Variants in HEBP2 observed in about 807,000 individuals in gnomAD.
HEBP2 encodes the protein heme-binding protein 2.
HEBP2 carries 27 observed loss-of-function variants against 23.1 expected under a neutral mutation model. The ratio of observed to expected loss-of-function variants is 1.17; its 90% CI spans 0.86 to 1.61. The LOEUF is 1.61. HEBP2 is among the 40% of genes most tolerant of loss of function. The pLI, the probability that HEBP2 is intolerant of heterozygous loss-of-function variation, is 0.00. For missense variants in HEBP2, 245 were observed against 253.8 expected (o/e 0.97, Z 0.24); for synonymous variants, 99 against 95.1 (o/e 1.04, Z -0.24).
intron 3 of HEBP2, among the ~76,000 whole-genome samples, chr6:138,409,018 C>T (rs1774698169): frequency 1.3e-5 from 2 of 151,966 alleles, no homozygotes; most frequent in Non-Finnish European, 2.9e-5. Flanking sequence ...GCCAGATAGG[C>T]TCCTCTTTTT....
chr6:138,410,338 C>T (rs763808292), intron 3 of HEBP2, among the ~76,000 whole-genome samples: 5 of 152,078 alleles, frequency 3.3e-5, no homozygotes, highest in Non-Finnish European at 5.9e-5. Flanking sequence ...AGAACAAAAG[C>T]TTATTTCTAA....
At chr6:138,411,187 G>T (rs1774740269) in intron 3 of HEBP2, among the ~76,000 whole-genome samples, 1 of 152,224 alleles carries the variant, frequency 6.6e-6, no homozygotes, top group African/African-American at 2.4e-5. Flanking sequence ...GGTCAGTGCT[G>T]TCATGATTTA....
Position 138,413,346 on chromosome 6 carries a change from C to T in HEBP2, c.*268C>T. 2.9e-6 allele frequency: 1 copy of T among 342,998 alleles called. No homozygotes were observed. Among genetic ancestry groups the T allele is most frequent in the East Asian group, 5.5e-5 (1 of 18,114 alleles). 21.2% of individuals were successfully genotyped at this position (342,998 alleles called of 1,614,324 possible). ...TCTAGGGAAATTTCATGTCACTTCC[C>T]TCCTTCACTGCATCACAATCATATT... On this transcript the variant is annotated 3_prime_UTR_variant, in exon 4 of 4. Transcript: ENST00000607197.
rs1289936940 is a variant in HEBP2, at chr6:138,415,989, AC to A, written c.*2913del. ...ACTGGTCCCTCCCCTTCTCCTGGCT[AC>A]CAGGCCTATAACGAGACTTAAGTCA... On this transcript the variant is annotated 3_prime_UTR_variant, in exon 4 of 4. Coordinates refer to ENST00000607197, the MANE Select transcript of HEBP2 (RefSeq NM_014320.3). The A allele has an allele frequency of 6.6e-6, 1 of 152,228 alleles. No individual in the cohort carries two copies. The highest frequency in any genetic ancestry group is 2.4e-5 in the African/African-American group (1 of 41,424). 9.4% of individuals were successfully genotyped at this position (152,228 alleles called of 1,614,324 possible). A position where few individuals can be genotyped will look rare whatever the true frequency, so the allele number is the denominator to read the frequency against.
In HEBP2 at chr6:138,420,146, G is replaced by A. The variant is rs549913160; in HGVS notation, c.*7068G>A. The A allele has an allele frequency of 2.0e-5, 3 of 152,314 alleles. No homozygotes were observed. Among genetic ancestry groups the A allele is most frequent in the African/African-American group, 4.8e-5 (2 of 41,560 alleles). The allele number at this position is 152,314 out of a possible 1,614,324, so 9.4% of individuals were successfully genotyped here. On this transcript the variant is annotated 3_prime_UTR_variant, in exon 4 of 4. Transcript: ENST00000607197. Reference sequence around the variant, plus strand: ...GGTCTGAGAAGGGTTTGGCTCCCAGGAGCTCAGGACCCTCAGGAATGAGAG... The same window carrying A: ...GGTCTGAGAAGGGTTTGGCTCCCAGAAGCTCAGGACCCTCAGGAATGAGAG...
At position 138,412,982 on chromosome 6, in the gene HEBP2, C is replaced by T. The variant is rs754122547; in HGVS notation, c.522C>T (p.Tyr174=). The T allele has an allele frequency of 1.9e-6, 3 of 1,613,974 alleles. No homozygotes were observed. The East Asian group carries it at 6.7e-5, about 36-fold the overall frequency. The change falls in exon 4 of 4, where the codon TAC becomes TAT. Residue 174 remains tyrosine (Y), a synonymous_variant. Coordinates refer to ENST00000607197, the MANE Select transcript of HEBP2 (RefSeq NM_014320.3). ...EDGKVFDEKV[Y]YTAGYNSPVK... ...GAAAAGTTTTCGATGAGAAGGTTTA[C>T]TACACTGCAGGCTACAACAGTCCTG...
At chr6:138,403,576 T>TG (rs1289924089), upstream of HEBP2, 9 of 463,338 alleles carry the variant, frequency 1.9e-5, no homozygotes, top group Middle Eastern at 3.6e-4. Flanking sequence ...GGGAGTCCTC[T>TG]GGGGGGCGCC....
rs1774860796 is a variant in HEBP2, at chr6:138,417,628, T to G, written c.*4550T>G. The G allele has an allele frequency of 6.6e-6, 1 of 152,570 alleles. No homozygotes were observed. The highest frequency in any genetic ancestry group is 1.5e-5 in the Non-Finnish European group (1 of 68,196). The allele number at this position is 152,570 out of a possible 1,614,324, so 9.5% of individuals were successfully genotyped here. On this transcript the variant is annotated 3_prime_UTR_variant, in exon 4 of 4. Coordinates refer to ENST00000607197, the MANE Select transcript of HEBP2 (RefSeq NM_014320.3). ...GAGGGAAGCCAGAGACCAGTGGTCC[T>G]GCTGTGTTGAGGAGATGGAGATCAG...
rs1774869657 is a variant in HEBP2, at chr6:138,418,290, T to C, written c.*5212T>C. 6.6e-6 allele frequency: 1 copy of C among 152,186 alleles called. No homozygotes were observed. The highest frequency in any genetic ancestry group is 2.4e-5 in the African/African-American group (1 of 41,440). 9.4% of individuals were successfully genotyped at this position (152,186 alleles called of 1,614,324 possible). On this transcript the variant is annotated 3_prime_UTR_variant, in exon 4 of 4. Coordinates refer to ENST00000607197, the MANE Select transcript of HEBP2 (RefSeq NM_014320.3). ...GTATTGGAGGTAGGGGGAAAGAAGA[T>C]GCAGTGTGGAATAGATGACAAGGCC...
intron 3 of HEBP2, among the ~76,000 whole-genome samples, chr6:138,409,925 C>G (rs1418247266): frequency 6.6e-6 from 1 of 152,234 alleles, no homozygotes; most frequent in Non-Finnish European, 1.5e-5. Context: ...ATAATACTTA[C>G]TATCTCATAG....
At chr6:138,412,342 T>C (rs1244815157) in intron 3 of HEBP2, 1 of 234,444 alleles carries the variant, frequency 4.3e-6, no homozygotes, top group Non-Finnish European at 8.5e-6. Context: ...TGTCAACAGA[T>C]GGAAGGAGGG....
rs1462081803 is a variant in HEBP2, at chr6:138,415,903, C to G, written c.*2825C>G. 2 of 152,174 alleles carry G rather than the reference C, an allele frequency of 1.3e-5. No individual in the cohort carries two copies. The highest frequency in any genetic ancestry group is 4.8e-5 in the African/African-American group (2 of 41,436). The allele number at this position is 152,174 out of a possible 1,614,324, so 9.4% of individuals were successfully genotyped here. A position where few individuals can be genotyped will look rare whatever the true frequency, so the allele number is the denominator to read the frequency against. ...ACTACCCTCCCTTCCTGCCTCTTCC[C>G]TAACACAAGGGAAGACAGTGTCCAA... On this transcript the variant is annotated 3_prime_UTR_variant, in exon 4 of 4. Coordinates refer to ENST00000607197, the MANE Select transcript of HEBP2 (RefSeq NM_014320.3).
At chr6:138,403,592 C>G (rs773569101), upstream of HEBP2, 3 of 456,646 alleles carry the variant, frequency 6.6e-6, no homozygotes, top group Non-Finnish European at 1.2e-5. Context: ...GCGCCGGAGC[C>G]GTGCCGGGTC....
Position 138,413,132 on chromosome 6 carries a change from C to T in HEBP2, c.*54C>T. The stretch of plus-strand genomic sequence containing the variant: ...AGGCAAAACATCTGTTTATCATAGA[C>T]ATCAACATGACCTATAAGTAAAGTG... On this transcript the variant is annotated 3_prime_UTR_variant, in exon 4 of 4. Transcript: ENST00000607197. The T allele has an allele frequency of 1.5e-6, 2 of 1,360,966 alleles. No homozygotes were observed. Among genetic ancestry groups the T allele is most frequent in the Non-Finnish European group, 2.1e-6 (2 of 955,228 alleles). The allele number at this position is 1,360,966 out of a possible 1,614,324, so 84.3% of individuals were successfully genotyped here. A position where few individuals can be genotyped will look rare whatever the true frequency, so the allele number is the denominator to read the frequency against.
chr6:138,413,226 C>G lies in HEBP2; in HGVS notation c.*148C>G. On this transcript the variant is annotated 3_prime_UTR_variant, in exon 4 of 4. Coordinates refer to ENST00000607197, the MANE Select transcript of HEBP2 (RefSeq NM_014320.3). ...TTATTTCCAATGTGCCTTTTTAATGCTTGAAGTTTTATCTACATACACAGG... is the reference window on the plus strand; with the variant it reads ...TTATTTCCAATGTGCCTTTTTAATGGTTGAAGTTTTATCTACATACACAGG... 1 of 640,378 alleles carries G rather than the reference C, an allele frequency of 1.6e-6. No homozygotes were observed. The allele number at this position is 640,378 out of a possible 1,614,324, so 39.7% of individuals were successfully genotyped here. A position where few individuals can be genotyped will look rare whatever the true frequency, so the allele number is the denominator to read the frequency against.
intron 3 of HEBP2, 51 bp downstream of exon 3, chr6:138,406,202 G>A (rs148098013): frequency 1.3e-6 from 2 of 1,501,734 alleles, no homozygotes; most frequent in African/African-American, 1.4e-5. Flanking sequence ...TTACTTGCGT[G>A]CACTCACAGT....
At chr6:138,404,158 A>G, upstream of HEBP2, 1 of 236,748 alleles carries the variant, frequency 4.2e-6, no homozygotes, top group Non-Finnish European at 7.9e-6. Context: ...CCTTTCCTTC[A>G]AAAACAAAGG....
At position 138,417,808 on chromosome 6, in the gene HEBP2, T is replaced by C. The variant is rs1214713070; in HGVS notation, c.*4730T>C. ...AGCCAAGAAATGAGTAACTGGAAAT[T>C]AGTAGAGCAAATAATTTACAGATCA... On this transcript the variant is annotated 3_prime_UTR_variant, in exon 4 of 4. Transcript: ENST00000607197. 6.6e-6 allele frequency: 1 copy of C among 152,118 alleles called. No individual in the cohort carries two copies. The highest frequency in any genetic ancestry group is 1.5e-5 in the Non-Finnish European group (1 of 68,014). The allele number at this position is 152,118 out of a possible 1,614,324, so 9.4% of individuals were successfully genotyped here.
chr6:138,407,833 G>A (rs762328421), intron 3 of HEBP2, among the ~76,000 whole-genome samples: 10 of 152,202 alleles, frequency 6.6e-5, no homozygotes, highest in African/African-American at 1.2e-4. Flanking sequence ...TGTGCCTTCC[G>A]GAGGGACAGA....
Sources: allele counts gnomAD v4.1 joint callset (sites outside exome capture counted in the v4.1 genomes callset), GRCh38; gene constraint gnomAD v4.1.1; transcripts MANE v1.5; gene names NCBI Gene and HGNC (gene_info 2026-07-23, HGNC 2026-07-21).